The following ANK2 variants were observed in gnomAD, a reference collection of about 807,000 sequenced individuals.
The protein encoded by ANK2 is ankyrin 2.
A neutral mutation model predicts 360.5 loss-of-function variants in ANK2; 83 were observed. The observed-to-expected ratio is 0.23, with a 90% confidence interval of 0.19 to 0.28. ANK2 has a LOEUF of 0.28. Among genes scored for constraint, ANK2 ranks in the 10% least tolerant of loss-of-function variants. ANK2 has a pLI of 1.00. For missense variants in ANK2, 4,201 were observed against 4,795.7 expected, an observed-to-expected ratio of 0.88 and a Z score of 3.66; for synonymous variants, 1,740 against 1,759.5, an observed-to-expected ratio of 0.99 and a Z score of 0.28.
chr4:113,296,915 A>G (rs575386724), intron 22 of ANK2, among the ~76,000 whole-genome samples: 1 of 152,334 alleles, frequency 6.6e-6, no homozygotes, highest in South Asian at 2.1e-4. Flanking sequence ...TATGTTGCAT[A>G]TAATTGGTAT....
rs1223201780 is a variant in ANK2 at position 113,357,846 on chromosome 4, G to A, written c.9228G>A (p.Gln3076=). ...IFGLMVDRQS[Q]GTTPDTTPAR... is the part of the protein sequence containing the mutation. ...GTTTGATGGTAGACAGACAATCACA[G>A]GGTACCACCCCTGACACCACTCCTG... The change falls in exon 38 of 46, where the codon CAG becomes CAA. Residue 3076 remains glutamine (Q), a synonymous_variant. Transcript: ENST00000357077. The A allele has an allele frequency of 1.2e-6, 2 of 1,613,828 alleles. No homozygotes were observed. Among genetic ancestry groups the A allele is most frequent in the African/African-American group, 2.7e-5 (2 of 74,898 alleles).
intron 2 of ANK2, among the ~76,000 whole-genome samples, chr4:112,965,087 A>G (rs907870360): frequency 6.6e-6 from 1 of 152,222 alleles, no homozygotes; most frequent in Non-Finnish European, 1.5e-5. Flanking sequence ...ACTATTTTCC[A>G]TAGTGATTAT....
the ANK2 span, among the ~76,000 whole-genome samples, chr4:112,793,161 T>C: frequency 2.0e-5 from 3 of 152,152 alleles, no homozygotes; most frequent in Non-Finnish European, 4.4e-5. Context: ...TGTGATGCCG[T>C]TTGTTAAATC....
the ANK2 span, among the ~76,000 whole-genome samples, chr4:112,746,421 T>C: frequency 3.3e-5 from 5 of 151,020 alleles, no homozygotes; most frequent in Non-Finnish European, 7.4e-5. Flanking sequence ...GGCAGGAGAA[T>C]CGCTTGAACA....
At chr4:112,948,867 G>A (rs1442222167) in intron 2 of ANK2, among the ~76,000 whole-genome samples, 3 of 152,202 alleles carry the variant, frequency 2.0e-5, no homozygotes, top group African/African-American at 4.8e-5. Flanking sequence ...AGGCTAGTGA[G>A]TAGAGAGATA....
intron 2 of ANK2, among the ~76,000 whole-genome samples, chr4:112,914,641 A>G (rs1328953170): frequency 6.6e-6 from 1 of 152,164 alleles, no homozygotes; most frequent in Non-Finnish European, 1.5e-5. Flanking sequence ...ATAGTGAACT[A>G]AAATCTGATT....
At chr4:113,179,317 G>A (rs765119469) in intron 2 of ANK2, among the ~76,000 whole-genome samples, 23 of 152,260 alleles carry the variant, frequency 1.5e-4, no homozygotes, top group Non-Finnish European at 3.1e-4. Flanking sequence ...TCAATGAAAG[G>A]CAATCTGAGC....
In ANK2 at chr4:113,219,081, C is replaced by G. The variant is rs2099119615; in HGVS notation, c.385-13080C>G. On this transcript the variant is annotated intron_variant, in intron 4 of 45. Transcript: ENST00000357077. ...CACATTTTCTCTTGCTTCTAAGTTA[C>G]TAGGTCATGTATTAAATTGCTCAAT... is the stretch of plus-strand genomic sequence containing the variant. Among the ~76,000 whole-genome samples, 3 of 152,124 alleles carry G rather than the reference C, an allele frequency of 2.0e-5. No homozygotes were observed. The South Asian group carries it at 6.2e-4, about 31-fold the overall frequency.
rs146735831 is a variant in ANK2, at chr4:112,975,237, A to T, written c.21+70723A>T. Among the ~76,000 whole-genome samples the T allele has an allele frequency of 2.7e-3, 418 of 152,270 alleles. 2 individuals are homozygous for T. Among genetic ancestry groups the T allele is most frequent in the African/African-American group, 9.8e-3 (407 of 41,552 alleles). On this transcript the variant is annotated intron_variant, in intron 2 of 30. Coordinates refer to the ANK2 transcript ENST00000503271. Reference sequence around the variant, plus strand: ...GGTAAACTATGAGTGTATTCTGTTGATGTTTCTGTTCACTTAGCAGGAATC... The same window carrying T: ...GGTAAACTATGAGTGTATTCTGTTGTTGTTTCTGTTCACTTAGCAGGAATC...
At chr4:113,259,946 C>T (rs1003966323) in intron 13 of ANK2, among the ~76,000 whole-genome samples, 13 of 151,944 alleles carry the variant, frequency 8.6e-5, no homozygotes, top group South Asian at 4.2e-4. Flanking sequence ...TGTTCTTGCC[C>T]GCCTTTTCCT....
intron 1 of ANK2, among the ~76,000 whole-genome samples, chr4:112,854,652 G>C (rs965118315): frequency 1.3e-5 from 2 of 152,156 alleles, no homozygotes; most frequent in Non-Finnish European, 1.5e-5. Flanking sequence ...AGGCATTAAG[G>C]GTTCTAGCTT....
intron 39 of ANK2, among the ~76,000 whole-genome samples, 193 bp downstream of exon 39, chr4:113,361,090 T>C (rs1237054857): frequency 3.9e-5 from 6 of 152,216 alleles, no homozygotes; most frequent in Admixed American, 2.0e-4. Context: ...TTATCATCTC[T>C]GAAATTTAGA....
intron 24 of ANK2, among the ~76,000 whole-genome samples, chr4:113,317,000 C>T (rs894299694): frequency 2.0e-5 from 3 of 152,198 alleles, no homozygotes; most frequent in African/African-American, 2.4e-5. Flanking sequence ...CTCATCACCA[C>T]GGCAACCAAC....
At chr4:112,814,224 A>G (rs762661174), upstream of ANK2, among the ~76,000 whole-genome samples, 2 of 152,178 alleles carry the variant, frequency 1.3e-5, no homozygotes, top group Non-Finnish European at 2.9e-5. Flanking sequence ...TCATTTTCTT[A>G]TAGTCTTTCC....
chr4:112,860,786 C>CT (rs759584473), intron 1 of ANK2, among the ~76,000 whole-genome samples: 3 of 151,422 alleles, frequency 2.0e-5, no homozygotes, highest in Admixed American at 6.6e-5. Context: ...GTAAGTCTTG[C>CT]TTTTCAGGGT....
the ANK2 span, among the ~76,000 whole-genome samples, chr4:112,706,067 C>T: frequency 6.6e-6 from 1 of 150,876 alleles, no homozygotes; most frequent in Admixed American, 6.6e-5. Flanking sequence ...GCGCGGGCCG[C>T]AGGCCCGACG....
chr4:113,216,941 A>T (rs1186241903), intron 4 of ANK2: 1 of 152,072 alleles, frequency 6.6e-6, no homozygotes, highest in African/African-American at 2.4e-5. Flanking sequence ...TGTTGGAATG[A>T]GGCAGCTTCT....
intron 2 of ANK2, among the ~76,000 whole-genome samples, chr4:112,986,155 A>G (rs1405816442): frequency 6.6e-6 from 1 of 150,422 alleles, no homozygotes; most frequent in Non-Finnish European, 1.5e-5. Context: ...TTCAAAATCC[A>G]GGTAAGTTCA....
intron 2 of ANK2, among the ~76,000 whole-genome samples, chr4:112,937,474 C>T (rs1352448292): frequency 6.6e-6 from 1 of 152,010 alleles, no homozygotes; most frequent in Non-Finnish European, 1.5e-5. Flanking sequence ...ATTACAGGCA[C>T]CTGCCACCAC....
Sources: gnomAD v4.1 joint callset for allele counts (sites outside exome capture counted in the v4.1 genomes callset) on GRCh38, gnomAD v4.1.1 for gene constraint, MANE v1.5 for transcripts, NCBI Gene and HGNC (gene_info 2026-07-23, HGNC 2026-07-21) for gene names.